The following TNFRSF4 variants were observed in gnomAD, a reference collection of about 807,000 sequenced individuals.
TNFRSF4 encodes tumor necrosis factor receptor superfamily member 4.
Under a neutral mutation model 29.5 loss-of-function variants are expected in TNFRSF4, and 21 were observed. The observed-to-expected ratio is 0.71, with a 90% CI of 0.51 to 1.03. TNFRSF4 has a LOEUF of 1.03. Among genes scored for constraint, TNFRSF4 ranks in the 50% least tolerant of loss-of-function variants. The pLI, the probability that TNFRSF4 is intolerant of heterozygous loss-of-function variation, is 0.00. For synonymous variants in TNFRSF4, 197 were observed against 172.7 expected, an observed-to-expected ratio of 1.14 and a Z score of -1.10; for missense variants, 408 against 387.8, an observed-to-expected ratio of 1.05 and a Z score of -0.44.
chr1:1,213,436 T>C (rs1183252784), intron 2 of TNFRSF4: 8 of 1,526,244 alleles, frequency 5.2e-6, no homozygotes, highest in Non-Finnish European at 7.0e-6. Context: ...CAGCGTGGTC[T>C]CCCCGACTCC....
At chr1:1,212,805 T>C in intron 3 of TNFRSF4, 101 bp from the exon 4 acceptor site, 1 of 1,254,566 alleles carries the variant, frequency 8.0e-7, no homozygotes, top group Non-Finnish European at 1.1e-6. Flanking sequence ...CATGGCTGGG[T>C]GGTGGGTTTG....
At chr1:1,213,272 T>C (rs1649275638) in intron 2 of TNFRSF4, 179 bp from the exon 3 acceptor site, 1 of 1,532,290 alleles carries the variant, frequency 6.5e-7, no homozygotes, top group African/African-American at 1.4e-5. Flanking sequence ...GGCCCTCCCT[T>C]CCTGGCCACA....
At chr1:1,212,514 CTT>C (rs2100951999) in intron 4 of TNFRSF4, 122 bp downstream of exon 4, 2 of 618,788 alleles carry the variant, frequency 3.2e-6, no homozygotes, top group Non-Finnish European at 5.2e-6. Context: ...AGCACCTCCC[CTT>C]CCCCCAAAAC....
At chr1:1,212,843 C>T (rs574834791) in intron 3 of TNFRSF4, 139 bp from the exon 4 acceptor site, 2 of 1,212,418 alleles carry the variant, frequency 1.6e-6, no homozygotes, top group South Asian at 3.1e-5. Flanking sequence ...CTGCCCACAT[C>T]CCACCCGTGG....
At chr1:1,213,216 C>T (rs1006870212) in intron 2 of TNFRSF4, 123 bp from the exon 3 acceptor site, 8 of 1,535,034 alleles carry the variant, frequency 5.2e-6, no homozygotes, top group South Asian at 2.4e-5. Context: ...CAGGGGTCTG[C>T]GGCCTCCCCT....
intron 1 of TNFRSF4, 51 bp downstream of exon 1, chr1:1,213,932 G>A (rs1367088824): frequency 1.7e-6 from 2 of 1,176,542 alleles, no homozygotes; most frequent in Non-Finnish European, 2.2e-6. Flanking sequence ...CCCTGCCCCA[G>A]CCCCCAGTCC....
chr1:1,213,086 C>T lies in TNFRSF4; in HGVS notation c.276G>A (p.Gly92=). ...KPCTWCNLRS[G]SERKQLCTAT... Reference sequence around the variant, plus strand: ...CCGTGCACAGCTGCTTCCGCTCACTCCCACTTCCTGAGCAGGGGCCGGATG... The same window carrying T: ...CCGTGCACAGCTGCTTCCGCTCACTTCCACTTCCTGAGCAGGGGCCGGATG... Residue 92 remains glycine, a synonymous_variant, in exon 3 of 7, where the codon GGG becomes GGA. Transcript: ENST00000379236. The T allele has an allele frequency of 6.2e-7, 1 of 1,609,562 alleles. No individual in the cohort carries two copies. The highest frequency in any genetic ancestry group is 2.2e-5 in the East Asian group (1 of 44,830).
intron 2 of TNFRSF4, 175 bp from the exon 3 acceptor site, chr1:1,213,268 C>T: frequency 6.5e-7 from 1 of 1,532,562 alleles, no homozygotes. Context: ...CCTGGGCCCT[C>T]CCTTCCTGGC....
At position 1,213,703 on chromosome 1, in the gene TNFRSF4, G is replaced by C; in HGVS notation, c.228C>G (p.Val76=). Residue 76 remains valine, a synonymous_variant, in exon 2 of 7, where the codon GTC becomes GTG. Coordinates refer to ENST00000379236, the MANE Select transcript of TNFRSF4 (RefSeq NM_003327.4). The part of the protein sequence containing the change: ...PCGPGFYNDV[V]SSKPCKPCTW... Reference sequence around the variant, plus strand: ...TGCAGGGCTTGCACGGCTTGGAGCTGACCACGTCGTTGTAGAAGCCCGGCC... The same window carrying C: ...TGCAGGGCTTGCACGGCTTGGAGCTCACCACGTCGTTGTAGAAGCCCGGCC... The C allele has an allele frequency of 6.3e-7, 1 of 1,597,938 alleles. No homozygotes were observed. The highest frequency in any genetic ancestry group is 8.5e-7 in the Non-Finnish European group (1 of 1,173,414).
chr1:1,211,891 C>A (rs771324292), intron 5 of TNFRSF4, 51 bp downstream of exon 5: 1 of 1,509,538 alleles, frequency 6.6e-7, no homozygotes, highest in Non-Finnish European at 8.8e-7. Flanking sequence ...CCGCCCTCCC[C>A]TTCTCCTATT....
intron 2 of TNFRSF4, 153 bp from the exon 3 acceptor site, chr1:1,213,246 G>A: frequency 2.6e-6 from 4 of 1,533,806 alleles, no homozygotes; most frequent in Non-Finnish European, 3.5e-6. Flanking sequence ...AGCCCCTGCA[G>A]CCCCCGAGGC....
chr1:1,211,911 G>T, intron 5 of TNFRSF4, 31 bp downstream of exon 5: 1 of 1,509,712 alleles, frequency 6.6e-7, no homozygotes. Flanking sequence ...TCGGGTTGGG[G>T]GCCCCGCTGG....
Position 1,211,887 on chromosome 1 carries a change from T to C in TNFRSF4, c.634+55A>G, listed in dbSNP as rs1209045632. The C allele has an allele frequency of 3.3e-6, 5 of 1,506,344 alleles. No individual in the cohort carries two copies. The Admixed American group carries it at 1.1e-4, about 34-fold the overall frequency. 93.3% of individuals were successfully genotyped at this position (1,506,344 alleles called of 1,614,324 possible). ...CACAGGAGGGGCCCCCATGCCGCCC[T>C]CCCCTTCTCCTATTCGGGTTGGGGG... On this transcript the variant is annotated intron_variant, in intron 5 of 6. Coordinates refer to ENST00000379236, the MANE Select transcript of TNFRSF4 (RefSeq NM_003327.4).
Position 1,211,510 on chromosome 1 carries a change from G to A in TNFRSF4, c.*45C>T. ...CCCTGCTCGCCCAGCAGACCCTCCG[G>A]GCTCCAGCCTGGCGGGGCCCAGCGT... On this transcript the variant is annotated 3_prime_UTR_variant, in exon 7 of 7. Coordinates refer to ENST00000379236, the MANE Select transcript of TNFRSF4 (RefSeq NM_003327.4). The A allele has an allele frequency of 6.8e-7, 1 of 1,473,940 alleles. No individual in the cohort carries two copies. The highest frequency in any genetic ancestry group is 9.0e-7 in the Non-Finnish European group (1 of 1,115,362). The allele number at this position is 1,473,940 out of a possible 1,614,324, so 91.3% of individuals were successfully genotyped here.
chr1:1,213,062 C>T lies in TNFRSF4; in HGVS notation c.300G>A (p.Thr100=), dbSNP rs184488968. 9 of 1,611,112 alleles carry T rather than the reference C, an allele frequency of 5.6e-6. No individual in the cohort carries two copies. The highest frequency in any genetic ancestry group is 3.3e-5 in the South Asian group (3 of 90,888). Residue 100 remains threonine (T), a synonymous_variant, in exon 3 of 7, where the codon ACG becomes ACA. Coordinates refer to ENST00000379236, the MANE Select transcript of TNFRSF4 (RefSeq NM_003327.4). ...AGCGGCAGACTGTGTCCTGTGTGGC[C>T]GTGCACAGCTGCTTCCGCTCACTCC... is the stretch of plus-strand genomic sequence containing the variant. ...RSGSERKQLC[T]ATQDTVCRCR...
Position 1,213,531 on chromosome 1 carries a change from C to T in TNFRSF4, c.268+132G>A, listed in dbSNP as rs1015780211. 34 of 1,465,502 alleles carry T rather than the reference C, an allele frequency of 2.3e-5. No individual in the cohort carries two copies. The African/African-American group carries it at 2.4e-4, about 10-fold the overall frequency. The allele number at this position is 1,465,502 out of a possible 1,614,324, so 90.8% of individuals were successfully genotyped here. On this transcript the variant is annotated intron_variant, in intron 2 of 6. Coordinates refer to ENST00000379236, the MANE Select transcript of TNFRSF4 (RefSeq NM_003327.4). ...TCAGCTCCTCGAAGGACCCCTGTGG[C>T]GGAGCAGACCCCGCTGTGGTTTGAG...
rs1248479097 is a variant in TNFRSF4 at position 1,211,611 on chromosome 1, G to A, written c.778C>T (p.Arg260Trp). 10 of 1,535,102 alleles carry A rather than the reference G, an allele frequency of 6.5e-6. No homozygotes were observed. The highest frequency in any genetic ancestry group is 8.7e-6 in the Non-Finnish European group (10 of 1,142,906). ...AHKPPGGGSF[R>W]TPIQEEQADA... ...GCCTGCTCCTCTTGGATGGGGGTCC[G>A]GAAACTGCCTCCCCCTGGGGAGGAA... Residue 260 changes from arginine to tryptophan, a missense_variant, in exon 7 of 7, where the codon CGG becomes TGG. Transcript: ENST00000379236.
In TNFRSF4 at chr1:1,213,331, C is replaced by T. The variant is rs1323653798; in HGVS notation, c.269-238G>A. 5 of 1,526,730 alleles carry T rather than the reference C, an allele frequency of 3.3e-6. No individual in the cohort carries two copies. The Admixed American group carries it at 1.0e-4, about 31-fold the overall frequency. The allele number at this position is 1,526,730 out of a possible 1,614,324, so 94.6% of individuals were successfully genotyped here. A position where few individuals can be genotyped will look rare whatever the true frequency, so the allele number is the denominator to read the frequency against. Reference sequence around the variant, plus strand: ...CCCCAGCCACCCTTCCCTACCCCTCCACCGCCTCCAGCCGCCAGCCCCGCC... The same window carrying T: ...CCCCAGCCACCCTTCCCTACCCCTCTACCGCCTCCAGCCGCCAGCCCCGCC... On this transcript the variant is annotated intron_variant, in intron 2 of 6. Coordinates refer to ENST00000379236, the MANE Select transcript of TNFRSF4 (RefSeq NM_003327.4).
chr1:1,213,930 C>T (rs536531136), intron 1 of TNFRSF4, 53 bp downstream of exon 1: 2 of 1,511,620 alleles, frequency 1.3e-6, no homozygotes, highest in Non-Finnish European at 1.8e-6. Flanking sequence ...ATCCCTGCCC[C>T]AGCCCCCAGT....
Sources: gnomAD v4.1 joint callset for allele counts on GRCh38, gnomAD v4.1.1 for gene constraint, MANE v1.5 for transcripts, NCBI Gene and HGNC (gene_info 2026-07-23, HGNC 2026-07-21) for gene names.